Variants in SIN3B observed in about 807,000 individuals in gnomAD.
SIN3B encodes SIN3 transcription regulator family member B, also known as paired amphipathic helix protein Sin3b.
Under a neutral mutation model 120.2 loss-of-function variants are expected in SIN3B, and 19 were observed. The ratio of observed to expected loss-of-function variants is 0.16; its 90% CI spans 0.11 to 0.23. SIN3B has a LOEUF of 0.23. Ranked by LOEUF, SIN3B falls within the 10% of genes least tolerant of loss-of-function variation. The pLI is 1.00. For synonymous variants in SIN3B, 654 were observed against 653.2 expected (o/e 1.00, Z -0.02); for missense variants, 1,073 against 1,573.0 (o/e 0.68, Z 5.38).
chr19:16,856,198 A>G (rs1971612448), intron 8 of SIN3B, among the ~76,000 whole-genome samples: 1 of 152,134 alleles, frequency 6.6e-6, no homozygotes, highest in African/African-American at 2.4e-5. Context: ...GGGCCTGGAA[A>G]CAACTGCGCA....
chr19:16,846,075 A>G (rs999496519), intron 4 of SIN3B, among the ~76,000 whole-genome samples: 1 of 152,082 alleles, frequency 6.6e-6, no homozygotes, highest in Admixed American at 6.6e-5. Flanking sequence ...GCCCAGCCTA[A>G]ATTGTTTCTT....
intron 7 of SIN3B, 109 bp from the exon 8 acceptor site, chr19:16,854,034 A>G: frequency 1.4e-6 from 1 of 709,888 alleles, no homozygotes; most frequent in Non-Finnish European, 2.4e-6. Context: ...TTACTTATAG[A>G]CACAGTTGGT....
intron 14 of SIN3B, chr19:16,871,756 T>C (rs1273932511): frequency 4.3e-6 from 1 of 233,722 alleles, no homozygotes; most frequent in Non-Finnish European, 8.4e-6. Flanking sequence ...CATTCCTTTT[T>C]ATGGCTCTGT....
Position 16,878,254 on chromosome 19 carries a change from C to G in SIN3B, c.3026C>G (p.Ser1009Cys). 2.5e-6 allele frequency: 4 copies of G among 1,601,108 alleles called. No individual in the cohort carries two copies. Among genetic ancestry groups the G allele is most frequent in the Non-Finnish European group, 3.4e-6 (4 of 1,174,138 alleles). The stretch of plus-strand genomic sequence containing the variant: ...GCCCTGCGCGGTGAGGCCAGGAGCT[C>G]CTGGAAGCGGCTGGTGGGCGTGGAG... ...ARALRGEARS[S>C]WKRLVGVESA... The change falls in exon 18 of 19, where the codon TCC (serine) becomes TGC (cysteine). Residue 1009 changes from serine to cysteine, a missense_variant. Ser to Cys is a moderately radical substitution (Grantham distance 112). Around this residue, in one of 7 missense-constraint regions of SIN3B, gnomAD observed 311 missense variants for 400.3 expected, o/e 0.78. Transcript: ENST00000248054.
chr19:16,843,420 C>T (rs889669245), intron 4 of SIN3B, among the ~76,000 whole-genome samples: 1 of 152,254 alleles, frequency 6.6e-6, no homozygotes, highest in Non-Finnish European at 1.5e-5. Flanking sequence ...CTGGCATCAT[C>T]ATGGGCCTTA....
In SIN3B at chr19:16,862,894, G is replaced by A. The variant is rs144873823; in HGVS notation, c.1266+335G>A. On this transcript the variant is annotated intron_variant, in intron 9 of 18. Coordinates refer to ENST00000248054, the MANE Select transcript of SIN3B (RefSeq NM_001297595.2). This position sits in a 1 kb window ranked among gnomAD's most constrained non-coding sequence, Gnocchi z 4.7. ...TGTGTTTCTGTTTAGCTTGACCATTGGACACTTCTCCAGGGTTCGTGGACA... is the reference window on the plus strand; with the variant it reads ...TGTGTTTCTGTTTAGCTTGACCATTAGACACTTCTCCAGGGTTCGTGGACA... 3.4e-4 allele frequency: 553 copies of A among 1,613,872 alleles called. 4 individuals are homozygous for A. Among genetic ancestry groups the A allele is most frequent in the African/African-American group, 1.6e-3 (119 of 75,032 alleles).
intron 12 of SIN3B, among the ~76,000 whole-genome samples, chr19:16,866,877 C>T (rs541956477): frequency 3.1e-4 from 47 of 152,322 alleles, no homozygotes; most frequent in African/African-American, 1.0e-3. Flanking sequence ...CTGCCTCAGC[C>T]TCCTGAGTGG....
chr19:16,836,701 G>A (rs941446680), intron 3 of SIN3B, among the ~76,000 whole-genome samples: 9 of 152,140 alleles, frequency 5.9e-5, no homozygotes, highest in Non-Finnish European at 8.8e-5. Flanking sequence ...GAACATGGCC[G>A]CTCTCAGCTA....
At chr19:16,851,119 C>T (rs1454040259) in intron 5 of SIN3B, among the ~76,000 whole-genome samples, 2 of 152,222 alleles carry the variant, frequency 1.3e-5, no homozygotes, top group Non-Finnish European at 2.9e-5. Flanking sequence ...CACGGGAAGA[C>T]CCAACTCAGC....
At chr19:16,874,520 CTCTGA>C (rs1433820599) in intron 14 of SIN3B, among the ~76,000 whole-genome samples, 4 of 133,620 alleles carry the variant, frequency 3.0e-5, no homozygotes, top group African/African-American at 8.8e-5. Flanking sequence ...ATTTGGTCTG[CTCTGA>C]TCTGGTCTGG....
At chr19:16,868,607 T>C (rs981804975) in intron 12 of SIN3B, among the ~76,000 whole-genome samples, 4 of 152,162 alleles carry the variant, frequency 2.6e-5, no homozygotes, top group African/African-American at 7.2e-5. Flanking sequence ...CAGATGGGCA[T>C]GTGCAAAGGC....
chr19:16,871,735 C>A (rs1220523726), intron 14 of SIN3B: 6 of 261,348 alleles, frequency 2.3e-5, no homozygotes, highest in Non-Finnish European at 4.4e-5. Context: ...CTCTGTATTT[C>A]CCTCGTGCTT....
intron 11 of SIN3B, 33 bp downstream of exon 11, chr19:16,865,681 T>A: frequency 7.1e-7 from 1 of 1,404,962 alleles, no homozygotes; most frequent in Non-Finnish European, 9.8e-7. Context: ...CCCTTCCCCT[T>A]CCCCTTCCCC....
Position 16,851,448 on chromosome 19 carries a change from C to CAGA in SIN3B, c.768_770dup (p.Lys256dup), listed in dbSNP as rs772698790. 1.2e-6 allele frequency: 2 copies of CAGA among 1,609,458 alleles called. No individual in the cohort carries two copies. Among genetic ancestry groups the CAGA allele is most frequent in the Admixed American group, 3.4e-5 (2 of 59,522 alleles). ...CGGGCCGTGCGAGATGCACAGCGTGCAGAAGAACGAGCACGACAAGACCCC... is the reference window on the plus strand; with the variant it reads ...CGGGCCGTGCGAGATGCACAGCGTGCAGAAGAAGAACGAGCACGACAAGACCCC... On this transcript the variant is annotated inframe_insertion, in exon 6 of 19. Transcript: ENST00000248054.
chr19:16,854,511 C>A, intron 8 of SIN3B: 1 of 428,362 alleles, frequency 2.3e-6, no homozygotes, highest in Non-Finnish European at 4.2e-6. Flanking sequence ...ACAGTGGGTC[C>A]TCGAGTAATG....
At chr19:16,854,313 TC>T in intron 8 of SIN3B, 52 bp downstream of exon 8, 1 of 1,144,242 alleles carries the variant, frequency 8.7e-7, no homozygotes. Context: ...TCCTGTCAAC[TC>T]CATCTACTTG....
In SIN3B at chr19:16,866,369, G is replaced by T. The variant is rs368737171; in HGVS notation, c.1623-4G>T. 2 of 1,609,440 alleles carry T rather than the reference G, an allele frequency of 1.2e-6. No homozygotes were observed. Among genetic ancestry groups the T allele is most frequent in the South Asian group, 1.1e-5 (1 of 90,922 alleles). Reference sequence around the variant, plus strand: ...CCTGGTGCTGACCTCTCTTCCCCCCGCAGACTGAAGGCCAAGGAAGAGGAG... The same window carrying T: ...CCTGGTGCTGACCTCTCTTCCCCCCTCAGACTGAAGGCCAAGGAAGAGGAG... On this transcript the variant is annotated splice_region_variant and splice_polypyrimidine_tract_variant and intron_variant, in intron 11 of 18. Transcript: ENST00000248054.
At chr19:16,855,372 C>CCCG (rs1555741865) in intron 8 of SIN3B, 3 of 48,326 alleles carry the variant, frequency 6.2e-5, no homozygotes, top group African/African-American at 1.5e-4. Flanking sequence ...AGAAACCTTC[C>CCCG]CCCCCCCCCC....
Position 16,865,315 on chromosome 19 carries a change from C to CT in SIN3B, c.1384-95_1384-94insT. Reference sequence around the variant, plus strand: ...TCTCTTAAATACACACACCCCCCCCCCAAAAAAATCCTCTGGTCTCTGAGG... The same window carrying CT: ...TCTCTTAAATACACACACCCCCCCCCTCAAAAAAATCCTCTGGTCTCTGAGG... On this transcript the variant is annotated intron_variant, in intron 10 of 18. Coordinates refer to ENST00000248054, the MANE Select transcript of SIN3B (RefSeq NM_001297595.2). 9.1e-6 allele frequency: 5 copies of CT among 550,858 alleles called. No homozygotes were observed. The East Asian group carries it at 1.0e-4, about 11-fold the overall frequency. The allele number at this position is 550,858 out of a possible 1,614,324, so 34.1% of individuals were successfully genotyped here.
Sources: allele counts gnomAD v4.1 joint callset (sites outside exome capture counted in the v4.1 genomes callset), GRCh38; gene constraint gnomAD v4.1.1; regional missense constraint gnomAD v4.1.1; non-coding constraint Gnocchi (gnomAD v3.1); transcripts MANE v1.5; gene names NCBI Gene and HGNC (gene_info 2026-07-23, HGNC 2026-07-21).